The following NRXN1 variants were observed in gnomAD, a reference collection of about 807,000 sequenced individuals.
NRXN1 encodes the protein neurexin-1.
In NRXN1, 39 loss-of-function variants were observed where a neutral mutation model predicts 150.9. That is an observed-to-expected ratio of 0.26 (90% CI 0.20 to 0.34). NRXN1 has a LOEUF of 0.34. Among genes scored for constraint, NRXN1 ranks in the 10% least tolerant of loss-of-function variants. NRXN1 has a pLI of 1.00. For synonymous variants in NRXN1, 924 were observed against 757.0 expected, an observed-to-expected ratio of 1.22 and a Z score of -3.62; for missense variants, 1,815 against 1,949.9, an observed-to-expected ratio of 0.93 and a Z score of 1.30.
intron 5 of NRXN1, among the ~76,000 whole-genome samples, chr2:50,729,238 T>C (rs887033898): frequency 6.6e-6 from 1 of 152,212 alleles, no homozygotes; most frequent in African/African-American, 2.4e-5. Context: ...ATCTCTATAA[T>C]TGAATTATTA....
chr2:50,562,591 AT>A (rs2105403098), intron 8 of NRXN1, among the ~76,000 whole-genome samples: 1 of 152,228 alleles, frequency 6.6e-6, no homozygotes, highest in South Asian at 2.1e-4. Context: ...TATATGTATT[AT>A]TTTTAATCCA....
chr2:50,321,151 T>G (rs2076011126), intron 17 of NRXN1, among the ~76,000 whole-genome samples: 1 of 152,156 alleles, frequency 6.6e-6, no homozygotes, highest in Admixed American at 6.6e-5. Flanking sequence ...AAAGCATTCT[T>G]TGGTCTCTAA....
At chr2:50,075,235 G>T (rs886433263) in intron 19 of NRXN1, among the ~76,000 whole-genome samples, 2 of 152,104 alleles carry the variant, frequency 1.3e-5, no homozygotes, top group African/African-American at 4.8e-5. Flanking sequence ...TATTCTATTA[G>T]TCTACTTTGA....
chr2:50,177,905 T>A (rs909032370), intron 18 of NRXN1, among the ~76,000 whole-genome samples: 1 of 148,512 alleles, frequency 6.7e-6, no homozygotes, highest in Non-Finnish European at 1.5e-5. Flanking sequence ...AGGAAGCATA[T>A]GAGGCAGCAT....
intron 18 of NRXN1, among the ~76,000 whole-genome samples, chr2:50,206,645 C>G (rs1339257893): frequency 1.3e-5 from 2 of 151,898 alleles, no homozygotes; most frequent in African/African-American, 4.8e-5. Context: ...ATTATGGACC[C>G]TCAGGTTGAC....
intron 5 of NRXN1, among the ~76,000 whole-genome samples, chr2:50,828,844 T>C (rs1486622882): frequency 1.3e-5 from 2 of 152,170 alleles, no homozygotes; most frequent in Admixed American, 1.3e-4. Flanking sequence ...AGGCAGAGGC[T>C]GCACTCTCGG....
chr2:49,965,470 G>A (rs1428379065), intron 21 of NRXN1, among the ~76,000 whole-genome samples: 3 of 151,844 alleles, frequency 2.0e-5, no homozygotes, highest in Non-Finnish European at 4.4e-5. Context: ...GTTTCACCAT[G>A]TTGGCCAGGC....
At chr2:50,804,548 T>G (rs1431421936) in intron 5 of NRXN1, among the ~76,000 whole-genome samples, 1 of 152,204 alleles carries the variant, frequency 6.6e-6, no homozygotes, top group Non-Finnish European at 1.5e-5. Context: ...TCCACACTGA[T>G]GCTTTTGACC....
At chr2:50,950,667 T>C (rs1691172855) in intron 2 of NRXN1, among the ~76,000 whole-genome samples, 1 of 152,190 alleles carries the variant, frequency 6.6e-6, no homozygotes. Flanking sequence ...CCCCCAATTC[T>C]AAGCTGAAAA....
At chr2:50,912,194 T>TC (rs1684620700) in intron 5 of NRXN1, 1 of 151,784 alleles carries the variant, frequency 6.6e-6, no homozygotes, top group Non-Finnish European at 1.5e-5. Context: ...GACTGGGCAT[T>TC]AGATCTTCTG....
chr2:50,844,829 A>T (rs1673396511), intron 5 of NRXN1, among the ~76,000 whole-genome samples: 2 of 151,694 alleles, frequency 1.3e-5, no homozygotes, highest in South Asian at 2.1e-4. Context: ...TATTCACTGC[A>T]TAGTGTGGTT....
At chr2:50,430,884 A>G (rs1013902866) in intron 17 of NRXN1, among the ~76,000 whole-genome samples, 3 of 152,164 alleles carry the variant, frequency 2.0e-5, no homozygotes, top group Non-Finnish European at 2.9e-5. Context: ...AATTGCCTCC[A>G]CATTCAACAT....
At chr2:50,981,542 AGC>A (rs1696815576) in intron 2 of NRXN1, among the ~76,000 whole-genome samples, 1 of 150,604 alleles carries the variant, frequency 6.6e-6, no homozygotes, top group Non-Finnish European at 1.5e-5. Flanking sequence ...TTGTCTCTTC[AGC>A]CATTTGTATT....
intron 15 of NRXN1, among the ~76,000 whole-genome samples, chr2:50,475,856 T>C (rs1283424693): frequency 7.2e-6 from 1 of 139,798 alleles, no homozygotes; most frequent in Non-Finnish European, 1.5e-5. Context: ...CTCTTTTTGA[T>C]CCTTGAAGTG....
chr2:50,792,418 T>A (rs188512716), intron 5 of NRXN1, among the ~76,000 whole-genome samples: 63 of 152,198 alleles, frequency 4.1e-4, no homozygotes, highest in Admixed American at 2.9e-3. Flanking sequence ...GACTGACCAT[T>A]TAATATATTT....
At chr2:50,237,051 G>T in intron 17 of NRXN1, 81 bp from the exon 18 acceptor site, 1 of 1,320,874 alleles carries the variant, frequency 7.6e-7, no homozygotes, top group Non-Finnish European at 1.1e-6. Context: ...TGATATATCA[G>T]TAAAGTATCA....
intron 21 of NRXN1, among the ~76,000 whole-genome samples, chr2:50,029,793 C>T (rs77029495): frequency 6.6e-6 from 1 of 152,152 alleles, no homozygotes; most frequent in Non-Finnish European, 1.5e-5. Flanking sequence ...ATAGGTTTCA[C>T]CACTTGTCAA....
Position 50,552,947 on chromosome 2 carries a change from C to T in NRXN1, c.1399G>A (p.Gly467Arg), listed in dbSNP as rs771583169. 1 of 1,613,822 alleles carries T rather than the reference C, an allele frequency of 6.2e-7. No individual in the cohort carries two copies. Among genetic ancestry groups the T allele is most frequent in the Non-Finnish European group, 8.5e-7 (1 of 1,179,754 alleles). ...TTCTCACATTTAAATGCCACCACTC[C>T]ATGGATCTTCATCTTAGGATCTCCT... is the stretch of plus-strand genomic sequence containing the variant. ...KQGDPKMKIH[G>R]VVAFKCENVA... Residue 467 changes from glycine to arginine, a missense_variant, in exon 9 of 23, where the codon GGA becomes AGA. This residue lies in a region of NRXN1 where 638 missense variants were observed against 652.6 expected (regional missense o/e 0.98). Coordinates refer to ENST00000401669, the MANE Select transcript of NRXN1 (RefSeq NM_001330078.2).
intron 9 of NRXN1, among the ~76,000 whole-genome samples, chr2:50,544,362 A>G (rs1355907799): frequency 6.6e-6 from 1 of 152,102 alleles, no homozygotes; most frequent in African/African-American, 2.4e-5. Flanking sequence ...TGTAATTATG[A>G]GTGTTATTTA....
Sources: allele counts gnomAD v4.1 joint callset (sites outside exome capture counted in the v4.1 genomes callset), GRCh38; gene constraint gnomAD v4.1.1; regional missense constraint gnomAD v4.1.1; transcripts MANE v1.5; gene names NCBI Gene and HGNC (gene_info 2026-07-23, HGNC 2026-07-21).